The following NANOS3 variants were observed in gnomAD, a reference collection of about 807,000 sequenced individuals.
The protein encoded by NANOS3 is nanos C2HC-type zinc finger 3.
NANOS3 carries 11 observed loss-of-function variants against 13.8 expected under a neutral mutation model. The observed-to-expected ratio is 0.80, with a 90% CI of 0.50 to 1.32. The LOEUF is 1.32. Ranked by LOEUF, NANOS3 falls within the 40% of genes most tolerant of loss-of-function variation. The pLI is 0.00. For missense variants in NANOS3, 221 were observed against 263.8 expected (o/e 0.84, Z 1.12); for synonymous variants, 119 against 115.4 (o/e 1.03, Z -0.20).
At chr19:13,878,057 C>G (rs918108394) in intron 1 of NANOS3, among the ~76,000 whole-genome samples, 9 of 151,238 alleles carry the variant, frequency 6.0e-5, no homozygotes, top group Non-Finnish European at 1.2e-4. Context: ...TATAGGCGCG[C>G]GCCACCACAC....
Position 13,877,498 on chromosome 19 carries a change from G to A in NANOS3, c.250G>A (p.Gly84Ser). 1 of 1,611,490 alleles carries A rather than the reference G, an allele frequency of 6.2e-7. No homozygotes were observed. The highest frequency in any genetic ancestry group is 8.5e-7 in the Non-Finnish European group (1 of 1,179,988). Residue 84 changes from glycine (G) to serine (S), a missense_variant, in exon 1 of 2, where the codon GGC becomes AGC. This residue lies in a region of NANOS3 where 112 missense variants were observed against 116.3 expected (regional missense o/e 0.96). Coordinates refer to ENST00000339133, the MANE Select transcript of NANOS3 (RefSeq NM_001098622.3). ...CCTGTGCTCTTTCTGCAAACACAAC[G>A]GCGAGTCCCGGGCCATCTACCAGTC... ...ERLCSFCKHN[G>S]ESRAIYQSHV...
chr19:13,864,675 T>A (rs1599296103), upstream of NANOS3, among the ~76,000 whole-genome samples: 3 of 152,132 alleles, frequency 2.0e-5, no homozygotes, highest in Middle Eastern at 0.01. Context: ...GCGTCTGTGA[T>A]CTCCTGCGTG....
chr19:13,876,587 G>T (rs775909828), upstream of NANOS3, among the ~76,000 whole-genome samples: 1 of 152,052 alleles, frequency 6.6e-6, no homozygotes, highest in Non-Finnish European at 1.5e-5. Context: ...AGAGCTGGGG[G>T]CCGGGGGGCA....
chr19:13,867,855 A>G (rs1294084173), intron 1 of NANOS3, among the ~76,000 whole-genome samples: 3 of 152,122 alleles, frequency 2.0e-5, no homozygotes, highest in Non-Finnish European at 4.4e-5. Context: ...CCCAGTGGCC[A>G]TATGCCCATC....
At chr19:13,878,943 T>C (rs1389450070) in intron 1 of NANOS3, among the ~76,000 whole-genome samples, 2 of 146,404 alleles carry the variant, frequency 1.4e-5, no homozygotes, top group East Asian at 2.0e-4. Context: ...TTCTTTCTTT[T>C]ATTTGATTAT....
chr19:13,862,596 T>G (rs1040796680), upstream of NANOS3, among the ~76,000 whole-genome samples: 2 of 152,034 alleles, frequency 1.3e-5, no homozygotes, highest in African/African-American at 4.8e-5. Flanking sequence ...TGGAGTGCAG[T>G]GGCACAATCT....
upstream of NANOS3, among the ~76,000 whole-genome samples, chr19:13,872,299 C>G (rs1042467669): frequency 6.9e-6 from 1 of 144,542 alleles, no homozygotes; most frequent in East Asian, 2.1e-4. Flanking sequence ...GGGCAGAGAT[C>G]GCGCCACTGC....
At position 13,869,932 on chromosome 19, in the gene NANOS3, C is replaced by T. The variant is rs1976301098; in HGVS notation, n.21+4495C>T. ...ATCGAGAGGAGACAGCTTGCCACCT[C>T]CCACCCTGAGGGACTTCACAGTCAA... On this transcript the variant is annotated intron_variant and non_coding_transcript_variant, in intron 1 of 2. Coordinates refer to the NANOS3 transcript ENST00000591161. Among the ~76,000 whole-genome samples the T allele has an allele frequency of 5.3e-5, 8 of 152,260 alleles. 1 individual carries two copies. The South Asian group carries it at 1.7e-3, about 32-fold the overall frequency.
chr19:13,875,879 A>G (rs1049890143), upstream of NANOS3, among the ~76,000 whole-genome samples: 1 of 152,152 alleles, frequency 6.6e-6, no homozygotes, highest in Non-Finnish European at 1.5e-5. Context: ...TGTAAGCGGC[A>G]CAGCGTCTCT....
chr19:13,867,490 G>A (rs942853372), intron 1 of NANOS3, among the ~76,000 whole-genome samples: 2 of 151,762 alleles, frequency 1.3e-5, no homozygotes, highest in African/African-American at 2.4e-5. Flanking sequence ...TCTCAAACTC[G>A]TTGAGCTCTA....
At chr19:13,870,723 A>C (rs1266135167) in intron 1 of NANOS3, among the ~76,000 whole-genome samples, 1 of 151,140 alleles carries the variant, frequency 6.6e-6, no homozygotes, top group Non-Finnish European at 1.5e-5. Flanking sequence ...GTGCGCCACC[A>C]TGCCTGGCTA....
upstream of NANOS3, among the ~76,000 whole-genome samples, chr19:13,873,720 C>G (rs938271078): frequency 1.3e-5 from 2 of 152,164 alleles, no homozygotes; most frequent in African/African-American, 4.8e-5. Flanking sequence ...ATCCTCCCGC[C>G]TCAGCCTCCC....
chr19:13,874,710 C>T (rs1361259363), upstream of NANOS3: 7 of 531,390 alleles, frequency 1.3e-5, no homozygotes, highest in Non-Finnish European at 2.3e-5. Flanking sequence ...GGAAAATTTG[C>T]CAAGGGTTTG....
At chr19:13,864,463 T>C (rs1976200980), upstream of NANOS3, among the ~76,000 whole-genome samples, 1 of 152,142 alleles carries the variant, frequency 6.6e-6, no homozygotes, top group Admixed American at 6.5e-5. Flanking sequence ...CTGCGACTGG[T>C]CCATTTGACC....
At chr19:13,874,159 A>G (rs1462152812), upstream of NANOS3, among the ~76,000 whole-genome samples, 1 of 152,110 alleles carries the variant, frequency 6.6e-6, no homozygotes, top group Non-Finnish European at 1.5e-5. Context: ...GTGCACTTGT[A>G]AAGTGGAGAG....
upstream of NANOS3, chr19:13,874,666 C>T (rs1366570189): frequency 1.9e-6 from 1 of 522,192 alleles, no homozygotes. Flanking sequence ...TCTCTGGTTC[C>T]CTGCCACCTA....
At chr19:13,874,813 C>T (rs1385300932), upstream of NANOS3, 13 of 532,604 alleles carry the variant, frequency 2.4e-5, no homozygotes, top group South Asian at 1.7e-4. Flanking sequence ...CATCCTCCTG[C>T]CGGTGACTCT....
At chr19:13,865,271 G>C (rs1976215085), upstream of NANOS3, 1 of 83,758 alleles carries the variant, frequency 1.2e-5, no homozygotes, top group Non-Finnish European at 2.3e-5. Flanking sequence ...AGCCGGCGCC[G>C]GAGCCCCGCG....
chr19:13,869,987 G>C (rs1976301928), intron 1 of NANOS3, among the ~76,000 whole-genome samples: 1 of 151,860 alleles, frequency 6.6e-6, no homozygotes. Flanking sequence ...AGGACACACG[G>C]GCCGCCAGAC....
Sources: gnomAD v4.1 joint callset for allele counts (sites outside exome capture counted in the v4.1 genomes callset) on GRCh38, gnomAD v4.1.1 for gene constraint, gnomAD v4.1.1 regional missense constraint, MANE v1.5 for transcripts, NCBI Gene and HGNC (gene_info 2026-07-23, HGNC 2026-07-21) for gene names.